Variants in ARHGEF7 observed in about 807,000 individuals in gnomAD.
ARHGEF7 encodes the protein Rho guanine nucleotide exchange factor 7, also known as PAK-interacting exchange factor beta.
ARHGEF7 carries 33 observed loss-of-function variants against 109.8 expected under a neutral mutation model. The ratio of observed to expected loss-of-function variants is 0.30; its 90% CI spans 0.23 to 0.40. The LOEUF is 0.40. Among genes scored for constraint, ARHGEF7 ranks in the 10% least tolerant of loss-of-function variants. The probability of loss-of-function intolerance (pLI) is 1.00; values close to 1 mark genes in which losing one functional copy is unlikely to be tolerated. For synonymous variants in ARHGEF7, 458 were observed against 424.6 expected (o/e 1.08, Z -0.97); for missense variants, 938 against 1,098.5 (o/e 0.85, Z 2.07).
At chr13:111,221,245 CT>C (rs1566869323) in intron 5 of ARHGEF7, among the ~76,000 whole-genome samples, 47 of 31,578 alleles carry the variant, frequency 1.5e-3, no homozygotes, top group Non-Finnish European at 2.9e-3. Context: ...ATATATATGT[CT>C]ATATATATCT....
intron 8 of ARHGEF7, among the ~76,000 whole-genome samples, chr13:111,256,569 C>T (rs2090447864): frequency 6.6e-6 from 1 of 152,226 alleles, no homozygotes; most frequent in Admixed American, 6.5e-5. Context: ...TTGTGCCGAT[C>T]TCTGTGGAGA....
At chr13:111,217,493 C>T (rs1056874267) in intron 4 of ARHGEF7, among the ~76,000 whole-genome samples, 186 bp from the exon 5 acceptor site, 1 of 152,170 alleles carries the variant, frequency 6.6e-6, no homozygotes, top group African/African-American at 2.4e-5. Context: ...AGAGGGTGTC[C>T]TCTGGGGCTG....
chr13:111,240,131 GC>G (rs796339362), intron 6 of ARHGEF7, among the ~76,000 whole-genome samples: 5 of 152,292 alleles, frequency 3.3e-5, no homozygotes, highest in African/African-American at 1.2e-4. Context: ...GCAGCTGGGA[GC>G]CCAGGTCCAC....
intron 2 of ARHGEF7, among the ~76,000 whole-genome samples, chr13:111,168,278 C>T (rs1329588651): frequency 6.6e-6 from 1 of 152,144 alleles, no homozygotes. Flanking sequence ...CGGTGTGCGA[C>T]AGCTGTGTGA....
At chr13:111,296,915 C>CCTA (rs1208296323) in intron 19 of ARHGEF7, among the ~76,000 whole-genome samples, 1 of 152,176 alleles carries the variant, frequency 6.6e-6, no homozygotes, top group Non-Finnish European at 1.5e-5. Flanking sequence ...TGTGCTAGAA[C>CCTA]CATCATGAAT....
At chr13:111,205,260 A>G (rs2081676406) in intron 2 of ARHGEF7, 29 bp from the exon 3 acceptor site, 10 of 1,565,648 alleles carry the variant, frequency 6.4e-6, no homozygotes, top group South Asian at 1.2e-5. Context: ...AGACTCTACT[A>G]ATTTTGCTTG....
rs1378465966 is a variant in ARHGEF7, at chr13:111,244,293, A to G, written c.949A>G (p.Lys317Glu). Residue 317 changes from lysine (K) to glutamate (E), a missense_variant and splice_region_variant, in exon 8 of 22, where the codon AAG becomes GAG. Transcript: ENST00000646102. ...MLVQSLEECTKLPEAQQRVGG... is the reference protein window; with the variant it reads ...MLVQSLEECTELPEAQQRVGG... ...CGTACAGTCTTTAGAAGAATGCACC[A>G]AGTAAGTAAGATGCTAAAAATTTGC... 1 of 1,578,848 alleles carries G rather than the reference A, an allele frequency of 6.3e-7. No homozygotes were observed. The highest frequency in any genetic ancestry group is 1.9e-5 in the Admixed American group (1 of 53,866).
At position 111,267,656 on chromosome 13, in the gene ARHGEF7, C is replaced by A. The variant is rs373682138; in HGVS notation, c.1059C>A (p.Val353=). 1.9e-6 allele frequency: 3 copies of A among 1,613,776 alleles called. No individual in the cohort carries two copies. In the African/African-American group the frequency reaches 4.0e-5, roughly 22 times the overall value. The change falls in exon 9 of 22, where the codon GTC becomes GTA. Residue 353 remains valine (V), a synonymous_variant. Transcript: ENST00000646102. ...YCANHPSAVN[V]LTEHSEELGE... ...CCAATCACCCTTCTGCAGTGAATGT[C>A]CTCACGGAACACAGGTGCGCTTGCT...
At chr13:111,293,335 C>T (rs919962173) in intron 19 of ARHGEF7, 1 of 985,116 alleles carries the variant, frequency 1.0e-6, no homozygotes, top group African/African-American at 1.7e-5. Context: ...CAGTGAAACT[C>T]CATTTACAGC....
intron 2 of ARHGEF7, among the ~76,000 whole-genome samples, chr13:111,170,173 C>T (rs765159575): frequency 2.6e-5 from 4 of 152,216 alleles, no homozygotes; most frequent in Non-Finnish European, 4.4e-5. Context: ...TTTCAGCCCA[C>T]TGTAACCTCT....
intron 19 of ARHGEF7, among the ~76,000 whole-genome samples, chr13:111,295,478 G>T (rs977411760): frequency 6.6e-6 from 1 of 152,092 alleles, no homozygotes; most frequent in East Asian, 1.9e-4. Flanking sequence ...ATTATTTTTT[G>T]TGTGTGCGCA....
chr13:111,276,370 A>G (rs549388780), intron 12 of ARHGEF7, among the ~76,000 whole-genome samples: 2 of 152,344 alleles, frequency 1.3e-5, no homozygotes, highest in Admixed American at 1.3e-4. Flanking sequence ...TCAAACTTAT[A>G]TAGTGTGTTT....
At chr13:111,224,383 C>G (rs2084905554) in intron 5 of ARHGEF7, among the ~76,000 whole-genome samples, 1 of 152,230 alleles carries the variant, frequency 6.6e-6, no homozygotes, top group African/African-American at 2.4e-5. Context: ...GAGAACACAC[C>G]TCGTGCTCTG....
intron 4 of ARHGEF7, among the ~76,000 whole-genome samples, chr13:111,212,141 C>T (rs545854730): frequency 6.6e-6 from 1 of 152,278 alleles, no homozygotes; most frequent in African/African-American, 2.4e-5. Context: ...CCCCCTGCCT[C>T]GGGACAGATT....
intron 6 of ARHGEF7, among the ~76,000 whole-genome samples, chr13:111,234,499 C>T (rs1183506327): frequency 2.0e-5 from 3 of 152,224 alleles, no homozygotes; most frequent in Non-Finnish European, 4.4e-5. Flanking sequence ...CCTCTCCCCT[C>T]GCTGAGCTCG....
chr13:111,268,228 G>A (rs1229342109), intron 9 of ARHGEF7, among the ~76,000 whole-genome samples: 1 of 152,186 alleles, frequency 6.6e-6, no homozygotes, highest in East Asian at 1.9e-4. Context: ...TACTGAGGAG[G>A]ATCTCAGTCA....
chr13:111,176,611 C>T (rs1379683012), intron 2 of ARHGEF7, among the ~76,000 whole-genome samples: 1 of 152,238 alleles, frequency 6.6e-6, no homozygotes, highest in African/African-American at 2.4e-5. Context: ...CAGGTAGGGT[C>T]ATGTCCAGGA....
Position 111,195,175 on chromosome 13 carries a change from C to T in ARHGEF7, c.253-10114C>T, listed in dbSNP as rs2080346731. Among the ~76,000 whole-genome samples the T allele has an allele frequency of 2.0e-5, 3 of 152,122 alleles. No homozygotes were observed. In the South Asian group the frequency reaches 6.2e-4, roughly 31 times the overall value. ...AGGAAAAGTGGTGGGATCTTTTAGCCTGATTTGGACTGGGTGGGCATTTTT... is the reference window on the plus strand; with the variant it reads ...AGGAAAAGTGGTGGGATCTTTTAGCTTGATTTGGACTGGGTGGGCATTTTT... On this transcript the variant is annotated intron_variant, in intron 2 of 21. Transcript: ENST00000646102.
chr13:111,153,555 A>C, intron 1 of ARHGEF7: 4 of 970,826 alleles, frequency 4.1e-6, no homozygotes, highest in Non-Finnish European at 5.1e-6. Context: ...GCTCGCCGGC[A>C]AAGCAGGGTG....
Sources: allele counts gnomAD v4.1 joint callset (sites outside exome capture counted in the v4.1 genomes callset), GRCh38; gene constraint gnomAD v4.1.1; transcripts MANE v1.5; gene names NCBI Gene and HGNC (gene_info 2026-07-23, HGNC 2026-07-21).